MSH4: variants seen among roughly 807,000 people sequenced by gnomAD.
The protein encoded by MSH4 is mutS protein homolog 4.
MSH4 carries 106 observed loss-of-function variants against 113.7 expected under a neutral mutation model. That is an observed-to-expected ratio of 0.93 (90% CI 0.80 to 1.10). The LOEUF is 1.10. MSH4 is among the 50% of genes least tolerant of loss of function. The probability of loss-of-function intolerance (pLI) is 0.00; values close to 1 mark genes in which losing one functional copy is unlikely to be tolerated. For missense variants in MSH4, 1,061 were observed against 1,093.7 expected (o/e 0.97, Z 0.42); for synonymous variants, 368 against 380.2 (o/e 0.97, Z 0.37).
chr1:75,907,472 C>A (rs1027536026), intron 19 of MSH4, among the ~76,000 whole-genome samples: 44 of 151,656 alleles, frequency 2.9e-4, no homozygotes, highest in African/African-American at 1.1e-3. Flanking sequence ...ATTATTATAT[C>A]ATTTGGCTTG....
chr1:75,843,750 A>G (rs991573361), intron 7 of MSH4, among the ~76,000 whole-genome samples: 17 of 152,310 alleles, frequency 1.1e-4, no homozygotes, highest in Middle Eastern at 3.4e-3. Flanking sequence ...ACTGAAAACT[A>G]TCAAAAGACA....
chr1:75,797,121 CA>C lies in MSH4; in HGVS notation c.137del (p.Gln46ArgfsTer113). ...GACTCCACAGAGCCGCCCTTCGGTC[CA>C]GGTGGTCTCTGCATCCACCTGTCCT... is the stretch of plus-strand genomic sequence containing the variant. Reference protein sequence around the residue: ...QETPQSRPSVQVVSASTCPGT... With the variant: ...QETPQSRPSVXVVSASTCPGT... On this transcript the variant is annotated frameshift_variant, in exon 1 of 20. Coordinates refer to ENST00000263187, the MANE Select transcript of MSH4 (RefSeq NM_002440.4). LOFTEE classifies it high-confidence loss of function. 6.2e-7 allele frequency: 1 copy of C among 1,613,952 alleles called. No homozygotes were observed. The highest frequency in any genetic ancestry group is 8.5e-7 in the Non-Finnish European group (1 of 1,179,898).
At chr1:75,876,915 T>C in intron 9 of MSH4, 21 bp from the exon 10 acceptor site, 2 of 1,400,932 alleles carry the variant, frequency 1.4e-6, no homozygotes, top group Non-Finnish European at 1.9e-6. Context: ...TCCTTAACTT[T>C]TTTATTTTAT....
At chr1:75,819,792 C>A (rs1429937710) in intron 6 of MSH4, among the ~76,000 whole-genome samples, 1 of 152,150 alleles carries the variant, frequency 6.6e-6, no homozygotes, top group Non-Finnish European at 1.5e-5. Flanking sequence ...CTCACTGCAA[C>A]CTCCGCCTCC....
intron 7 of MSH4, among the ~76,000 whole-genome samples, chr1:75,846,051 A>G (rs190065982): frequency 2.2e-3 from 332 of 152,278 alleles, no homozygotes; most frequent in Non-Finnish European, 4.1e-3. Flanking sequence ...CACCTGAGCT[A>G]CAGTTGTGGT....
intron 19 of MSH4, among the ~76,000 whole-genome samples, chr1:75,908,807 A>T (rs1214031237): frequency 6.6e-6 from 1 of 152,102 alleles, no homozygotes; most frequent in Admixed American, 6.6e-5. Context: ...TCAGCACTAG[A>T]TGGCACCTTA....
intron 6 of MSH4, among the ~76,000 whole-genome samples, chr1:75,822,061 C>T (rs960650244): frequency 6.6e-6 from 1 of 152,100 alleles, no homozygotes; most frequent in African/African-American, 2.4e-5. Context: ...GCAGGCGGAT[C>T]ACAAGGTCAG....
rs147430823 is a variant in MSH4, at chr1:75,854,002, A to AGT, written c.1230+5737_1230+5738dup. ...AAAACCCTCTCATGGCTAGGGCATA[A>AGT]GTGTGTGTGTGTATATATATATATA... is the stretch of plus-strand genomic sequence containing the variant. On this transcript the variant is annotated intron_variant, in intron 8 of 19. Transcript: ENST00000263187. 3.2e-4 allele frequency among the ~76,000 whole-genome samples: 7 copies of AGT among 22,168 alleles called. No individual in the cohort carries two copies. The South Asian group carries it at 9.3e-3, about 30-fold the overall frequency. The allele number at this position is 22,168 out of a possible 152,430, so 14.5% of individuals were successfully genotyped here.
At chr1:75,818,131 G>C (rs962735226) in intron 6 of MSH4, among the ~76,000 whole-genome samples, 1 of 152,022 alleles carries the variant, frequency 6.6e-6, no homozygotes, top group Non-Finnish European at 1.5e-5. Flanking sequence ...CCTTCCTATA[G>C]TTTATTCTCA....
chr1:75,800,244 G>A (rs1356975718), intron 1 of MSH4, among the ~76,000 whole-genome samples: 2 of 151,976 alleles, frequency 1.3e-5, no homozygotes, highest in East Asian at 1.9e-4. Context: ...TTCTACACAC[G>A]TCTTTATGAT....
chr1:75,842,051 T>A (rs1650970627), intron 7 of MSH4, among the ~76,000 whole-genome samples: 1 of 152,114 alleles, frequency 6.6e-6, no homozygotes, highest in South Asian at 2.1e-4. Context: ...GTTTTGTATA[T>A]TTTAGGGAGG....
In MSH4 at chr1:75,807,018, A is replaced by C; in HGVS notation, c.465A>C (p.Ser155=). The change falls in exon 3 of 20, where the codon TCA becomes TCC. Residue 155 remains serine, a synonymous_variant. Coordinates refer to ENST00000263187, the MANE Select transcript of MSH4 (RefSeq NM_002440.4). The part of the protein sequence containing the change: ...SSSAISAHSP[S]VIVAVVEGRG... ...CTGCGATTTCTGCACACTCCCCATCAGTTATTGTAGCTGTTGTAGAAGGGA... is the reference window on the plus strand; with the variant it reads ...CTGCGATTTCTGCACACTCCCCATCCGTTATTGTAGCTGTTGTAGAAGGGA... 6.3e-7 allele frequency: 1 copy of C among 1,584,142 alleles called. No individual in the cohort carries two copies. Among genetic ancestry groups the C allele is most frequent in the East Asian group, 2.3e-5 (1 of 43,126 alleles).
At chr1:75,804,224 G>A (rs1650005903) in intron 2 of MSH4, among the ~76,000 whole-genome samples, 1 of 152,028 alleles carries the variant, frequency 6.6e-6, no homozygotes, top group Admixed American at 6.6e-5. Context: ...GATATTACTA[G>A]TGAGTGGTTT....
chr1:75,887,069 C>T (rs1652142173), intron 15 of MSH4, among the ~76,000 whole-genome samples: 1 of 151,794 alleles, frequency 6.6e-6, no homozygotes, highest in Admixed American at 6.6e-5. Context: ...AATCCTTTAC[C>T]TTAGTCTTCC....
At chr1:75,805,776 G>T (rs1234334484) in intron 2 of MSH4, among the ~76,000 whole-genome samples, 1 of 151,968 alleles carries the variant, frequency 6.6e-6, no homozygotes, top group African/African-American at 2.4e-5. Context: ...AGTGTATAAG[G>T]TAAGCCAATC....
At chr1:75,819,083 G>C (rs1238254325) in intron 6 of MSH4, among the ~76,000 whole-genome samples, 2 of 151,828 alleles carry the variant, frequency 1.3e-5, no homozygotes, top group Non-Finnish European at 2.9e-5. Flanking sequence ...GTTTTTTTTA[G>C]CTGTTTCTGT....
chr1:75,878,984 G>A lies in MSH4; in HGVS notation c.1541-8G>A, dbSNP rs1240576318. ...TTTGTTTTTGTTTTTCTTGTTTCTG[G>A]TCACCAGGAATGATATCACAACTTG... On this transcript the variant is annotated splice_region_variant and splice_polypyrimidine_tract_variant and intron_variant, in intron 11 of 19. Transcript: ENST00000263187. 7 of 1,593,948 alleles carry A rather than the reference G, an allele frequency of 4.4e-6. No homozygotes were observed. Among genetic ancestry groups the A allele is most frequent in the Non-Finnish European group, 6.0e-6 (7 of 1,169,846 alleles).
intron 7 of MSH4, among the ~76,000 whole-genome samples, chr1:75,835,879 G>A (rs544160524): frequency 6.6e-6 from 1 of 152,302 alleles, no homozygotes; most frequent in East Asian, 1.9e-4. Context: ...TCTTGTCAAG[G>A]TCACTGGAGC....
intron 5 of MSH4, among the ~76,000 whole-genome samples, 181 bp downstream of exon 5, chr1:75,815,317 A>C (rs1650272726): frequency 6.6e-6 from 1 of 152,208 alleles, no homozygotes; most frequent in Non-Finnish European, 1.5e-5. Context: ...TTCATAATAC[A>C]TAGTAATTAT....
Sources: allele counts gnomAD v4.1 joint callset (sites outside exome capture counted in the v4.1 genomes callset), GRCh38; gene constraint gnomAD v4.1.1; transcripts MANE v1.5; gene names NCBI Gene and HGNC (gene_info 2026-07-23, HGNC 2026-07-21).